The following NOS1 variants were observed in gnomAD, a reference collection of about 807,000 sequenced individuals.
NOS1 encodes NOS type I.
NOS1 carries 51 observed loss-of-function variants against 164.5 expected under a neutral mutation model. The observed-to-expected ratio is 0.31, with a 90% CI of 0.25 to 0.39. NOS1 has a LOEUF of 0.39. NOS1 is among the 10% of genes least tolerant of loss of function. The pLI is 1.00. For synonymous variants in NOS1, 719 were observed against 745.8 expected (o/e 0.96, Z 0.59); for missense variants, 1,362 against 1,885.6 (o/e 0.72, Z 5.14).
At chr12:117,257,607 C>CTTTTTTTT (rs151304592) in intron 16 of NOS1, among the ~76,000 whole-genome samples, 4 of 99,122 alleles carry the variant, frequency 4.0e-5, no homozygotes, top group African/African-American at 4.4e-5. Context: ...TTGATTTTAG[C>CTTTTTTTT]TTTTTTTTTT....
rs540256545 is a variant in NOS1, at chr12:117,326,156, C to T, written c.725+4189G>A. Among the ~76,000 whole-genome samples the T allele has an allele frequency of 1.3e-4, 20 of 152,060 alleles. No individual in the cohort carries two copies. In the South Asian group the frequency reaches 3.1e-3, roughly 24 times the overall value. On this transcript the variant is annotated intron_variant, in intron 2 of 28. Transcript: ENST00000317775. ...ATCCCAGCGCTTTGGGAGGCCGAGA[C>T]GGGCGGATCACCTGAGGTCAGGAGT... is the stretch of plus-strand genomic sequence containing the variant.
Position 117,331,431 on chromosome 12 carries a change from T to TATGTGAA in NOS1, c.-363_-362insTTCACAT, listed in dbSNP as rs1260746534. ...GTGACGCATGATAGATGTGAACTAT[T>TATGTGAA]CTCTGGGTATCTTCATTGCCAGCCT... On this transcript the variant is annotated 5_prime_UTR_variant, in exon 2 of 29. The change abolishes the stop of an existing upstream ORF in the 5' untranslated region. Coordinates refer to ENST00000317775, the MANE Select transcript of NOS1 (RefSeq NM_000620.5). 5 of 222,012 alleles carry TATGTGAA rather than the reference T, an allele frequency of 2.3e-5. No homozygotes were observed. The Admixed American group carries it at 2.5e-4, about 11-fold the overall frequency. 13.8% of individuals were successfully genotyped at this position (222,012 alleles called of 1,614,324 possible).
rs907208908 is a variant in NOS1, at chr12:117,208,938, G to T, written c.*6371C>A. Reference sequence around the variant, plus strand: ...AGGTTTTGCCATGTTAGCCAGGTTGGTCTCTAACTCCCAGCCTCAAGTGAT... The same window carrying T: ...AGGTTTTGCCATGTTAGCCAGGTTGTTCTCTAACTCCCAGCCTCAAGTGAT... On this transcript the variant is annotated 3_prime_UTR_variant, in exon 29 of 29. Coordinates refer to ENST00000317775, the MANE Select transcript of NOS1 (RefSeq NM_000620.5). 3.4e-5 allele frequency: 26 copies of T among 775,090 alleles called. No homozygotes were observed. The highest frequency in any genetic ancestry group is 4.1e-5 in the Non-Finnish European group (26 of 637,700). 48.0% of individuals were successfully genotyped at this position (775,090 alleles called of 1,614,324 possible). A position where few individuals can be genotyped will look rare whatever the true frequency, so the allele number is the denominator to read the frequency against.
intron 1 of NOS1, among the ~76,000 whole-genome samples, chr12:117,358,218 C>T (rs1026314321): frequency 3.3e-5 from 5 of 152,242 alleles, no homozygotes; most frequent in South Asian, 2.1e-4. Context: ...GGGAAATCAG[C>T]GGCCCCCCAG....
rs375810209 is a variant in NOS1 at position 117,311,564 on chromosome 12, G to A, written c.754C>T (p.Leu252=). The A allele has an allele frequency of 2.0e-5, 32 of 1,612,830 alleles. No homozygotes were observed. The highest frequency in any genetic ancestry group is 2.7e-5 in the Non-Finnish European group (32 of 1,179,498). ...RDLDGKSHKP[L]PLGVENDRVF... The stretch of plus-strand genomic sequence containing the variant: ...CGGTCGTTCTCCACGCCGAGGGGCA[G>A]AGGTTTGTGTGACTTGCCGTCCAAA... Residue 252 remains leucine, a synonymous_variant, in exon 3 of 29, where the codon CTG becomes TTG. Transcript: ENST00000317775.
intron 2 of NOS1, among the ~76,000 whole-genome samples, chr12:117,327,383 GATCCTACAGCTGCCTTAGGATTTAACT>G (rs1875307012): frequency 1.3e-5 from 2 of 152,174 alleles, no homozygotes; most frequent in South Asian, 4.1e-4. Context: ...TTCCGTTCTG[GATCCTACAGCTGCCTTAGGATTTAACT>G]CTATGGCATG....
intron 27 of NOS1, among the ~76,000 whole-genome samples, chr12:117,219,101 C>A (rs1310723822): frequency 1.3e-5 from 2 of 151,476 alleles, no homozygotes; most frequent in Non-Finnish European, 2.9e-5. Context: ...GCCTCAGCCT[C>A]CTGAGCAGCT....
At chr12:117,318,104 T>C (rs1874750417) in intron 2 of NOS1, among the ~76,000 whole-genome samples, 2 of 152,134 alleles carry the variant, frequency 1.3e-5, no homozygotes, top group Non-Finnish European at 2.9e-5. Context: ...CCCAGGAGTT[T>C]GAGACTGCAG....
chr12:117,324,836 A>AC (rs146788924), intron 2 of NOS1, among the ~76,000 whole-genome samples: 2,159 of 152,244 alleles, frequency 0.014, 50 homozygotes, highest in African/African-American at 0.048. Flanking sequence ...TGCTGGAGCC[A>AC]CCTTCCTCCT....
rs1248606793 is a variant in NOS1 at position 117,214,822 on chromosome 12, G to C, written c.*487C>G. The C allele has an allele frequency of 3.1e-6, 3 of 980,184 alleles. No homozygotes were observed. In the African/African-American group the frequency reaches 5.5e-5, roughly 18 times the overall value. The allele number at this position is 980,184 out of a possible 1,614,324, so 60.7% of individuals were successfully genotyped here. On this transcript the variant is annotated 3_prime_UTR_variant, in exon 29 of 29. Coordinates refer to ENST00000317775, the MANE Select transcript of NOS1 (RefSeq NM_000620.5). ...TTGTGCAGGGAAGAGGACGGACAGA[G>C]ACCTGGCCCATCACACACACACACA...
intron 10 of NOS1, among the ~76,000 whole-genome samples, chr12:117,271,383 T>C (rs995647899): frequency 1.3e-5 from 2 of 152,026 alleles, no homozygotes; most frequent in African/African-American, 4.8e-5. Flanking sequence ...GTTCAAGCGA[T>C]TCTCCTGGCT....
chr12:117,256,563 C>T (rs1871473418), intron 16 of NOS1, among the ~76,000 whole-genome samples: 2 of 151,646 alleles, frequency 1.3e-5, no homozygotes, highest in Non-Finnish European at 2.9e-5. Context: ...CAGGCATGAG[C>T]CACTGTGTCT....
chr12:117,215,405 C>T (rs1485535307), intron 28 of NOS1, 81 bp from the exon 29 acceptor site: 3 of 1,401,894 alleles, frequency 2.1e-6, no homozygotes, highest in African/African-American at 2.9e-5. Context: ...GAGAAAATCA[C>T]CCATGCTCTG....
At chr12:117,268,750 G>C (rs577929751) in intron 10 of NOS1, among the ~76,000 whole-genome samples, 3,500 of 150,748 alleles carry the variant, frequency 0.023, 137 homozygotes, top group African/African-American at 0.08. Context: ...CCACCACGCC[G>C]GGCTAATTTT....
At chr12:117,334,736 G>T (rs1275336877) in intron 1 of NOS1, among the ~76,000 whole-genome samples, 2 of 152,156 alleles carry the variant, frequency 1.3e-5, no homozygotes, top group East Asian at 1.9e-4. Context: ...CACTTTCTCT[G>T]CCTCCTTTTC....
intron 7 of NOS1, among the ~76,000 whole-genome samples, chr12:117,281,754 C>T (rs1474609629): frequency 1.4e-5 from 2 of 143,172 alleles, no homozygotes; most frequent in Non-Finnish European, 3.0e-5. Flanking sequence ...CGCTTGAACT[C>T]GGGAGGTAGA....
Position 117,213,938 on chromosome 12 carries a change from C to T in NOS1, c.*1371G>A, listed in dbSNP as rs9658563. ...GAATTACACCGGCTCCAATTCCTACCGAAGACTTGGCTGCCCATTTTTGAT... is the reference window on the plus strand; with the variant it reads ...GAATTACACCGGCTCCAATTCCTACTGAAGACTTGGCTGCCCATTTTTGAT... On this transcript the variant is annotated 3_prime_UTR_variant, in exon 29 of 29. Coordinates refer to ENST00000317775, the MANE Select transcript of NOS1 (RefSeq NM_000620.5). 2,268 of 985,350 alleles carry T rather than the reference C, an allele frequency of 2.3e-3. 43 individuals are homozygous for T. In the African/African-American group the frequency reaches 0.036, roughly 16 times the overall value. 61.0% of individuals were successfully genotyped at this position (985,350 alleles called of 1,614,324 possible). A position where few individuals can be genotyped will look rare whatever the true frequency, so the allele number is the denominator to read the frequency against.
intron 3 of NOS1, among the ~76,000 whole-genome samples, chr12:117,309,715 C>A (rs1874334825): frequency 6.6e-6 from 1 of 152,208 alleles, no homozygotes; most frequent in Non-Finnish European, 1.5e-5. Context: ...ATTGACTTAG[C>A]TGTCAAAACA....
In NOS1 at chr12:117,285,232, T is replaced by C; in HGVS notation, c.1382+9A>G. The C allele has an allele frequency of 6.2e-7, 1 of 1,606,696 alleles. No individual in the cohort carries two copies. Among genetic ancestry groups the C allele is most frequent in the Non-Finnish European group, 8.5e-7 (1 of 1,174,234 alleles). ...CTCCTGCTCCCCAGTGCCCAGCTGG[T>C]CAGCTCACCTGAGGTTCCCTTTGTT... On this transcript the variant is annotated intron_variant, in intron 7 of 28. Transcript: ENST00000317775.
Sources: allele counts gnomAD v4.1 joint callset (sites outside exome capture counted in the v4.1 genomes callset), GRCh38; gene constraint gnomAD v4.1.1; transcripts MANE v1.5; gene names NCBI Gene and HGNC (gene_info 2026-07-23, HGNC 2026-07-21).